Variants in PCDHA4 observed in about 807,000 individuals in gnomAD.
PCDHA4 encodes the protein protocadherin alpha-4.
PCDHA4 carries 49 observed loss-of-function variants against 61.4 expected under a neutral mutation model. That is an observed-to-expected ratio of 0.80 (90% confidence interval 0.63 to 1.01). The LOEUF is 1.01. Among genes scored for constraint, PCDHA4 ranks in the 50% least tolerant of loss-of-function variants. PCDHA4 has a pLI of 0.00. For missense variants in PCDHA4, 1,254 were observed against 1,235.8 expected (o/e 1.01, Z -0.22); for synonymous variants, 590 against 550.3 (o/e 1.07, Z -1.01).
Position 140,823,173 on chromosome 5 carries a change from C to A in PCDHA4, c.2385+13601C>A. ...AGTATACCGTGTTCGTGAAGGAGAACAACCCGCCAGGCTGCCACATCTTCA... is the reference window on the plus strand; with the variant it reads ...AGTATACCGTGTTCGTGAAGGAGAAAAACCCGCCAGGCTGCCACATCTTCA... On this transcript the variant is annotated intron_variant, in intron 1 of 3. Transcript: ENST00000530339. 4 of 1,613,906 alleles carry A rather than the reference C, an allele frequency of 2.5e-6. No individual in the cohort carries two copies. In the South Asian group the frequency reaches 4.4e-5, roughly 18 times the overall value.
At chr5:140,992,637 G>A (rs31872) in intron 3 of PCDHA4, among the ~76,000 whole-genome samples, 103,738 of 151,942 alleles carry the variant, frequency 0.68, 36,576 homozygotes, top group African/African-American at 0.86. Flanking sequence ...AACTTCCCTG[G>A]AAAATAGAAG....
intron 1 of PCDHA4, among the ~76,000 whole-genome samples, chr5:140,818,349 G>T (rs1214100703): frequency 6.6e-6 from 1 of 152,134 alleles, no homozygotes; most frequent in African/African-American, 2.4e-5. Context: ...CACTGTCAAA[G>T]TCATTGATTG....
chr5:140,829,124 G>A, intron 1 of PCDHA4: 1 of 1,612,404 alleles, frequency 6.2e-7, no homozygotes, highest in Non-Finnish European at 8.5e-7. Context: ...GGATAAAAAT[G>A]ATAACGTCCC....
intron 1 of PCDHA4, chr5:140,823,443 C>T (rs2150125860): frequency 3.1e-6 from 5 of 1,613,398 alleles, no homozygotes; most frequent in South Asian, 2.2e-5. Context: ...TCGTGCTGGA[C>T]GAGAACGACA....
In PCDHA4 at chr5:140,950,226, T is replaced by A. The variant is rs1478539445; in HGVS notation, c.2386-28723T>A. ...TGTTTACCTAGTCATTTACCATTTC[T>A]AGTGCCATTAATTTGTTCCTAAAGA... On this transcript the variant is annotated intron_variant, in intron 1 of 3. Coordinates refer to ENST00000530339, the MANE Select transcript of PCDHA4 (RefSeq NM_018907.4). 5.9e-5 allele frequency among the ~76,000 whole-genome samples: 9 copies of A among 152,018 alleles called. No homozygotes were observed. The East Asian group carries it at 1.7e-3, about 29-fold the overall frequency.
intron 1 of PCDHA4, chr5:140,858,002 G>C (rs782820218): frequency 6.3e-7 from 1 of 1,596,914 alleles, no homozygotes; most frequent in Admixed American, 1.7e-5. Flanking sequence ...GCTGGTGAAG[G>C]ACCATGGCGA....
At chr5:140,989,041 A>G (rs531223216) in intron 3 of PCDHA4, 1 of 152,340 alleles carries the variant, frequency 6.6e-6, no homozygotes, top group Admixed American at 6.5e-5. Flanking sequence ...GATTCCTTTA[A>G]TATGCCAGCT....
intron 1 of PCDHA4, among the ~76,000 whole-genome samples, chr5:140,924,668 G>T (rs2081943079): frequency 6.6e-6 from 1 of 152,142 alleles, no homozygotes; most frequent in Non-Finnish European, 1.5e-5. Context: ...GCCGAGGCAG[G>T]CCAATCACTT....
chr5:140,940,844 T>C (rs942965203), intron 1 of PCDHA4, among the ~76,000 whole-genome samples: 1 of 152,228 alleles, frequency 6.6e-6, no homozygotes. Flanking sequence ...TTCTTCACGA[T>C]AGATTTTTAT....
At chr5:140,812,965 A>G (rs2126642946) in intron 1 of PCDHA4, 15 of 152,128 alleles carry the variant, frequency 9.9e-5, no homozygotes, top group Non-Finnish European at 2.2e-4. Context: ...TAATTCCAGT[A>G]TTGATTTCTA....
chr5:140,857,802 T>C, intron 1 of PCDHA4: 1 of 1,596,456 alleles, frequency 6.3e-7, no homozygotes, highest in Non-Finnish European at 8.6e-7. Flanking sequence ...CGGTCGGTGG[T>C]TGCGGGTCAC....
intron 1 of PCDHA4, among the ~76,000 whole-genome samples, chr5:140,906,606 G>A (rs2072783004): frequency 6.6e-6 from 1 of 152,208 alleles, no homozygotes; most frequent in Non-Finnish European, 1.5e-5. Context: ...TACTCATTCT[G>A]TATTCCCTTT....
chr5:140,906,303 A>G (rs1195275228), intron 1 of PCDHA4, among the ~76,000 whole-genome samples: 5 of 152,220 alleles, frequency 3.3e-5, no homozygotes, highest in Non-Finnish European at 7.3e-5. Flanking sequence ...ATAAGGTCAT[A>G]ATTATTCCCA....
chr5:141,009,935 T>C lies in PCDHA4; in HGVS notation c.2842T>C (p.Ter948ArgextTer53). The change falls in exon 4 of 4, where the codon TGA (stop) becomes CGA (arginine). Residue 948 changes from the stop codon to arginine, a stop_lost. Coordinates refer to ENST00000530339, the MANE Select transcript of PCDHA4 (RefSeq NM_018907.4). ...CAGCACGACTGACAACAGTGACCAG[T>C]GAGGTCCTCAAATGGAAACAAGCCA... ...GNSTTDNSDQ[*>R] 1.2e-6 allele frequency: 2 copies of C among 1,602,416 alleles called. No homozygotes were observed. The highest frequency in any genetic ancestry group is 1.7e-6 in the Non-Finnish European group (2 of 1,176,054).
At chr5:140,924,244 C>G (rs1375839311) in intron 1 of PCDHA4, among the ~76,000 whole-genome samples, 1 of 152,152 alleles carries the variant, frequency 6.6e-6, no homozygotes, top group Non-Finnish European at 1.5e-5. Context: ...TGTTTTGCAT[C>G]CTGGTGAGAT....
chr5:140,807,221 C>T lies in PCDHA4; in HGVS notation c.34C>T (p.Arg12Trp), dbSNP rs1763864756. 5 of 1,614,044 alleles carry T rather than the reference C, an allele frequency of 3.1e-6. No homozygotes were observed. The highest frequency in any genetic ancestry group is 4.2e-6 in the Non-Finnish European group (5 of 1,179,922). The stretch of plus-strand genomic sequence containing the variant: ...TTCCTGGGGAAGCGGCCAGGAATCC[C>T]GGCGTCTGCTGCTCTTACTTCTTCT... ...EFSWGSGQES[R>W]RLLLLLLLLA... is the part of the protein sequence containing the mutation. The change falls in exon 1 of 4, where the codon CGG becomes TGG. Residue 12 changes from arginine (R) to tryptophan (W), a missense_variant. Coordinates refer to ENST00000530339, the MANE Select transcript of PCDHA4 (RefSeq NM_018907.4).
rs76650315 is a variant in PCDHA4, at chr5:140,808,364, G to T, written c.1177G>T (p.Val393Phe). The change falls in exon 1 of 4, where the codon GTC becomes TTC. Residue 393 changes from valine (V) to phenylalanine (F), a missense_variant. Physicochemically the swap from Val to Phe is conservative, Grantham distance 50. Transcript: ENST00000530339. ...GGTCACCTGCTCCTTGACGTCCCAC[G>T]TCCCCTTCAAGCTGGTGTCCACCTT... is the stretch of plus-strand genomic sequence containing the variant. ...GLVTCSLTSH[V>F]PFKLVSTFKN... is the part of the protein sequence containing the mutation. The T allele has an allele frequency of 6.2e-7, 1 of 1,614,170 alleles. No homozygotes were observed. Among genetic ancestry groups the T allele is most frequent in the South Asian group, 1.1e-5 (1 of 91,078 alleles).
At chr5:140,947,106 C>T (rs1172898991) in intron 1 of PCDHA4, among the ~76,000 whole-genome samples, 2 of 151,140 alleles carry the variant, frequency 1.3e-5, no homozygotes, top group Non-Finnish European at 3.0e-5. Context: ...TAAATAGGTA[C>T]GTGTCAATTA....
rs1368766918 is a variant in PCDHA4 at position 141,010,867 on chromosome 5, A to G, written c.*930A>G. 4.6e-5 allele frequency: 7 copies of G among 153,798 alleles called. No homozygotes were observed. The highest frequency in any genetic ancestry group is 3.3e-4 in the Admixed American group (5 of 15,292). 9.5% of individuals were successfully genotyped at this position (153,798 alleles called of 1,614,324 possible). A position where few individuals can be genotyped will look rare whatever the true frequency, so the allele number is the denominator to read the frequency against. On this transcript the variant is annotated 3_prime_UTR_variant, in exon 4 of 4. Coordinates refer to ENST00000530339, the MANE Select transcript of PCDHA4 (RefSeq NM_018907.4). Reference sequence around the variant, plus strand: ...TTAAAAAAAGAGAAAGTCTATAGCTATAAATCTTTAAAGAGAAATATGAAT... The same window carrying G: ...TTAAAAAAAGAGAAAGTCTATAGCTGTAAATCTTTAAAGAGAAATATGAAT...
Sources: allele counts gnomAD v4.1 joint callset (sites outside exome capture counted in the v4.1 genomes callset), GRCh38; gene constraint gnomAD v4.1.1; transcripts MANE v1.5; gene names NCBI Gene and HGNC (gene_info 2026-07-23, HGNC 2026-07-21).